Variants in FBXL18 observed in about 807,000 individuals in gnomAD.
The protein encoded by FBXL18 is F-box/LRR-repeat protein 18.
A neutral mutation model predicts 46.0 loss-of-function variants in FBXL18; 36 were observed. The observed-to-expected ratio is 0.78, with a 90% CI of 0.60 to 1.03. The LOEUF (loss-of-function observed/expected upper bound fraction) is 1.03, where lower values mean the gene tolerates loss of function less well. FBXL18 is among the 50% of genes least tolerant of loss of function. The pLI is 0.00. For synonymous variants in FBXL18, 557 were observed against 465.3 expected, an observed-to-expected ratio of 1.20 and a Z score of -2.54; for missense variants, 977 against 1,004.1, an observed-to-expected ratio of 0.97 and a Z score of 0.36.
Position 5,480,546 on chromosome 7 carries a change from A to ATT in FBXL18, c.*1228_*1229insAA, listed in dbSNP as rs1307618268. ...GTGTTGAATATATATATATATATAT[A>ATT]TATTTTTTTTTTTTTTTTTTTTTTT... On this transcript the variant is annotated 3_prime_UTR_variant, in exon 5 of 5. Coordinates refer to ENST00000382368, the MANE Select transcript of FBXL18 (RefSeq NM_024963.6). 1.8e-4 allele frequency: 10 copies of ATT among 55,414 alleles called. No individual in the cohort carries two copies. Among genetic ancestry groups the ATT allele is most frequent in the Admixed American group, 8.3e-4 (3 of 3,606 alleles). The allele number at this position is 55,414 out of a possible 1,614,324, so 3.4% of individuals were successfully genotyped here.
At chr7:5,511,533 G>C (rs1486483652) in intron 1 of FBXL18, among the ~76,000 whole-genome samples, 1 of 151,896 alleles carries the variant, frequency 6.6e-6, no homozygotes, top group African/African-American at 2.4e-5. Flanking sequence ...TTGAACCTGG[G>C]AAGCAGAGGT....
Position 5,501,628 on chromosome 7 carries a change from G to A in FBXL18, c.641C>T (p.Ser214Leu). The change falls in exon 3 of 5, where the codon TCG (serine) becomes TTG (leucine). Residue 214 changes from serine (S) to leucine (L), a missense_variant. Transcript: ENST00000382368. ...LDRTREGAIL[S>L]GQLMVGQSNV... ...GCTCTGGCCCACCATAAGCTGGCCC[G>A]AGAGGATGGCGCCCTCGCGCGTGCG... 1 of 1,613,644 alleles carries A rather than the reference G, an allele frequency of 6.2e-7. No homozygotes were observed. Among genetic ancestry groups the A allele is most frequent in the Non-Finnish European group, 8.5e-7 (1 of 1,179,904 alleles).
chr7:5,462,690 G>T (rs968857782), intron 4 of FBXL18, among the ~76,000 whole-genome samples: 3 of 151,878 alleles, frequency 2.0e-5, no homozygotes, highest in African/African-American at 7.2e-5. Context: ...AGTGGCTCAT[G>T]CCTGTAATCC....
chr7:5,504,865 G>A (rs1439372954), intron 2 of FBXL18, among the ~76,000 whole-genome samples: 41 of 124,594 alleles, frequency 3.3e-4, no homozygotes, highest in East Asian at 5.3e-4. Flanking sequence ...GCAGTGAGCC[G>A]AGATCATGCC....
chr7:5,475,218 A>C (rs1478806149), downstream of FBXL18, among the ~76,000 whole-genome samples: 15 of 152,016 alleles, frequency 9.9e-5, no homozygotes, highest in Non-Finnish European at 1.8e-4. This position sits in a 1 kb window ranked among gnomAD's most constrained non-coding sequence, Gnocchi z 4.2. Context: ...GCTACTCCGG[A>C]GGCTGAGGCA....
chr7:5,469,358 G>C (rs1290171429), intron 4 of FBXL18, among the ~76,000 whole-genome samples: 1 of 152,240 alleles, frequency 6.6e-6, no homozygotes, highest in African/African-American at 2.4e-5. Context: ...GTTGCAGTGA[G>C]CTGAGATCGT....
intron 3 of FBXL18, among the ~76,000 whole-genome samples, chr7:5,497,356 TC>T (rs948560896): frequency 1.3e-5 from 2 of 151,976 alleles, no homozygotes; most frequent in Non-Finnish European, 2.9e-5. Flanking sequence ...ACCACCCCGC[TC>T]CCCACGCACG....
At chr7:5,509,903 C>T (rs1481935993) in intron 1 of FBXL18, among the ~76,000 whole-genome samples, 1 of 151,880 alleles carries the variant, frequency 6.6e-6, no homozygotes, top group Non-Finnish European at 1.5e-5. Flanking sequence ...AGCTGCTGGG[C>T]GGGCGAGTTG....
At chr7:5,470,528 G>A (rs10951953) in intron 4 of FBXL18, among the ~76,000 whole-genome samples, 70,427 of 152,032 alleles carry the variant, frequency 0.46, 16,796 homozygotes, top group East Asian at 0.75. Flanking sequence ...GAAACCGCAG[G>A]AAGGGCCTGG....
rs370474436 is a variant in FBXL18, at chr7:5,475,881, G to A, written c.*5894C>T. ...AAAATTCCCATCCAGAATGTAGTTT[G>A]CTACAGTGAACACCAATGTCAGGAG... On this transcript the variant is annotated 3_prime_UTR_variant, in exon 5 of 5. Transcript: ENST00000382368. The surrounding 1 kb of genome is among the most constrained non-coding windows in gnomAD (Gnocchi z 4.2). The A allele has an allele frequency of 1.3e-4, 20 of 152,386 alleles. No homozygotes were observed. The East Asian group carries it at 2.3e-3, about 18-fold the overall frequency. The allele number at this position is 152,386 out of a possible 1,614,324, so 9.4% of individuals were successfully genotyped here.
chr7:5,482,071 A>G, intron 4 of FBXL18, 140 bp from the exon 5 acceptor site: 2 of 1,010,898 alleles, frequency 2.0e-6, no homozygotes, highest in Non-Finnish European at 2.8e-6. Flanking sequence ...CATGCCTGCC[A>G]GAGTCACCCT....
chr7:5,490,659 A>C (rs151338381), intron 4 of FBXL18, among the ~76,000 whole-genome samples: 27 of 152,262 alleles, frequency 1.8e-4, no homozygotes, highest in Non-Finnish European at 2.9e-4. Context: ...AGATGTGAAA[A>C]ATCCAGAGTT....
chr7:5,513,601 C>G, intron 1 of FBXL18, 56 bp downstream of exon 1: 2 of 1,600,874 alleles, frequency 1.2e-6, no homozygotes, highest in East Asian at 4.5e-5. Flanking sequence ...TGGAAGAACC[C>G]AGGGAGACCG....
At chr7:5,469,734 G>C (rs1783399234) in intron 4 of FBXL18, among the ~76,000 whole-genome samples, 1 of 152,068 alleles carries the variant, frequency 6.6e-6, no homozygotes, top group African/African-American at 2.4e-5. Flanking sequence ...TGTGGGGTGA[G>C]CAGAGGTGTG....
chr7:5,512,300 A>T (rs1279140717), intron 1 of FBXL18, among the ~76,000 whole-genome samples: 2 of 97,680 alleles, frequency 2.0e-5, no homozygotes, highest in Non-Finnish European at 2.1e-5. Flanking sequence ...TGTTATTTAA[A>T]AAAAAAAAAA....
chr7:5,495,296 T>C (rs1391468130), intron 3 of FBXL18, among the ~76,000 whole-genome samples: 2 of 152,082 alleles, frequency 1.3e-5, no homozygotes, highest in Admixed American at 6.5e-5. Flanking sequence ...CACCCAGGCC[T>C]CCGAGGTGTC....
rs1783502729 is a variant in FBXL18, at chr7:5,475,961, G to A, written c.*5814C>T. 6.6e-6 allele frequency: 1 copy of A among 152,298 alleles called. No individual in the cohort carries two copies. Among genetic ancestry groups the A allele is most frequent in the Admixed American group, 6.5e-5 (1 of 15,282 alleles). 9.4% of individuals were successfully genotyped at this position (152,298 alleles called of 1,614,324 possible). On this transcript the variant is annotated 3_prime_UTR_variant, in exon 5 of 5. Coordinates refer to ENST00000382368, the MANE Select transcript of FBXL18 (RefSeq NM_024963.6). The surrounding 1 kb of genome is among the most constrained non-coding windows in gnomAD (Gnocchi z 4.2). Reference sequence around the variant, plus strand: ...AGGTCAGCGGGACGGGGACAGGGAGGTTGGTCATCGAAAGGCAGGTGATGC... The same window carrying A: ...AGGTCAGCGGGACGGGGACAGGGAGATTGGTCATCGAAAGGCAGGTGATGC...
In FBXL18 at chr7:5,501,608, G is replaced by A; in HGVS notation, c.661C>T (p.Gln221Ter). ...AILSGQLMVG[Q>*]SNVPHYQNLR... ...TTCTGGTAGTGCGGCACGTTGCTCT[G>A]GCCCACCATAAGCTGGCCCGAGAGG... Residue 221 changes from glutamine to a stop codon, truncating the protein, a stop_gained, in exon 3 of 5, where the codon CAG becomes TAG. Coordinates refer to ENST00000382368, the MANE Select transcript of FBXL18 (RefSeq NM_024963.6). LOFTEE classifies it high-confidence loss of function. 6.2e-7 allele frequency: 1 copy of A among 1,613,824 alleles called. No homozygotes were observed. Among genetic ancestry groups the A allele is most frequent in the Non-Finnish European group, 8.5e-7 (1 of 1,179,994 alleles).
chr7:5,506,490 A>G (rs1009512264), intron 1 of FBXL18, among the ~76,000 whole-genome samples: 1 of 145,684 alleles, frequency 6.9e-6, no homozygotes, highest in Non-Finnish European at 1.5e-5. Context: ...CCTGACCTCA[A>G]GTGATTCATC....
Sources: allele counts gnomAD v4.1 joint callset (sites outside exome capture counted in the v4.1 genomes callset), GRCh38; gene constraint gnomAD v4.1.1; non-coding constraint Gnocchi (gnomAD v3.1); transcripts MANE v1.5; gene names NCBI Gene and HGNC (gene_info 2026-07-23, HGNC 2026-07-21).